CAMTA1: variants seen among roughly 807,000 people sequenced by gnomAD.
CAMTA1 encodes calmodulin-binding transcription activator 1.
CAMTA1 carries 27 observed loss-of-function variants against 170.9 expected under a neutral mutation model. The observed-to-expected ratio is 0.16, with a 90% CI of 0.12 to 0.22. The LOEUF (loss-of-function observed/expected upper bound fraction) is 0.22, where lower values mean the gene tolerates loss of function less well. Among genes scored for constraint, CAMTA1 ranks in the 10% least tolerant of loss-of-function variants. The pLI is 1.00. For missense variants in CAMTA1, 1,619 were observed against 2,217.2 expected, an observed-to-expected ratio of 0.73 and a Z score of 5.42; for synonymous variants, 833 against 891.5, an observed-to-expected ratio of 0.93 and a Z score of 1.17.
In CAMTA1 at chr1:7,664,917, C is replaced by G. The variant is rs561365245; in HGVS notation, c.2370C>G (p.Ile790Met). 6 of 1,613,210 alleles carry G rather than the reference C, an allele frequency of 3.7e-6. 1 individual carries two copies. The Middle Eastern group carries it at 4.9e-4, about 133-fold the overall frequency. The change falls in exon 9 of 23, where the codon ATC (isoleucine) becomes ATG (methionine). Residue 790 changes from isoleucine (I) to methionine (M), a missense_variant. Physicochemically the swap from Ile to Met is conservative, Grantham distance 10. Around this residue, in one of 8 missense-constraint regions of CAMTA1, gnomAD observed 731 missense variants for 907.6 expected, o/e 0.81. Transcript: ENST00000303635. ...CCGTGGAGGGGGGCAGCAGCACCAT[C>G]TATGGGCACCAGCTGGTGTCGGGGG... is the stretch of plus-strand genomic sequence containing the variant. ...FISVEGGSST[I>M]YGHQLVSGDS... is the part of the protein sequence containing the mutation.
intron 5 of CAMTA1, among the ~76,000 whole-genome samples, chr1:7,462,549 C>T (rs2093115236): frequency 6.6e-6 from 1 of 152,210 alleles, no homozygotes. Context: ...ACCACCACAC[C>T]CGGCCTAACT....
At chr1:7,544,202 C>A (rs181551587) in intron 6 of CAMTA1, among the ~76,000 whole-genome samples, 1 of 152,112 alleles carries the variant, frequency 6.6e-6, no homozygotes, top group African/African-American at 2.4e-5. Flanking sequence ...TCTTACATGG[C>A]GGTGGCAAGA....
At chr1:7,431,504 A>G (rs924856603) in intron 5 of CAMTA1, among the ~76,000 whole-genome samples, 1 of 152,144 alleles carries the variant, frequency 6.6e-6, no homozygotes, top group African/African-American at 2.4e-5. Context: ...CGCTGGGAAG[A>G]GCGTCCTGCC....
At chr1:7,406,061 G>T (rs928354024) in intron 5 of CAMTA1, among the ~76,000 whole-genome samples, 3 of 152,238 alleles carry the variant, frequency 2.0e-5, no homozygotes, top group African/African-American at 7.2e-5. Flanking sequence ...AGGAACAGGG[G>T]TCCCCACAAT....
intron 5 of CAMTA1, among the ~76,000 whole-genome samples, chr1:7,351,441 CAG>C (rs780109675): frequency 3.9e-5 from 6 of 152,362 alleles, no homozygotes; most frequent in Non-Finnish European, 5.9e-5. Context: ...TCCCACGACT[CAG>C]TGGTCACTGG....
At chr1:7,583,044 G>A (rs954462872) in intron 6 of CAMTA1, among the ~76,000 whole-genome samples, 1 of 152,016 alleles carries the variant, frequency 6.6e-6, no homozygotes, top group Non-Finnish European at 1.5e-5. Context: ...ACCTTCCAGT[G>A]GCCATCAGCT....
Position 7,665,266 on chromosome 1 carries a change from C to A in CAMTA1, c.2652+67C>A. ...ACCCACCTCGCCAGCCCCTGCGCCA[C>A]CCTGCAGCTAAGGGATGCCTGTGGC... is the stretch of plus-strand genomic sequence containing the variant. On this transcript the variant is annotated intron_variant, in intron 9 of 22. Coordinates refer to ENST00000303635, the MANE Select transcript of CAMTA1 (RefSeq NM_015215.4). This position sits in a 1 kb window ranked among gnomAD's most constrained non-coding sequence, Gnocchi z 4.3. The A allele has an allele frequency of 7.5e-7, 1 of 1,328,486 alleles. No homozygotes were observed. The highest frequency in any genetic ancestry group is 9.8e-7 in the Non-Finnish European group (1 of 1,016,720). 82.3% of individuals were successfully genotyped at this position (1,328,486 alleles called of 1,614,324 possible).
intron 3 of CAMTA1, among the ~76,000 whole-genome samples, chr1:7,083,285 T>C (rs1299425677): frequency 6.6e-6 from 1 of 152,262 alleles, no homozygotes; most frequent in African/African-American, 2.4e-5. Context: ...CCTTACAGTC[T>C]TAACCACTGC....
chr1:7,582,882 C>A (rs1414179561), intron 6 of CAMTA1, among the ~76,000 whole-genome samples: 1 of 151,976 alleles, frequency 6.6e-6, no homozygotes, highest in Non-Finnish European at 1.5e-5. Context: ...ATAGCAGCCT[C>A]TCGGTGGGTT....
At chr1:7,493,488 C>T (rs1418155828) in intron 6 of CAMTA1, among the ~76,000 whole-genome samples, 1 of 152,116 alleles carries the variant, frequency 6.6e-6, no homozygotes, top group Non-Finnish European at 1.5e-5. Flanking sequence ...CAGGCGTGCA[C>T]ACACATAACC....
chr1:7,735,330 C>T (rs746465624), intron 12 of CAMTA1, among the ~76,000 whole-genome samples: 2 of 151,380 alleles, frequency 1.3e-5, no homozygotes, highest in East Asian at 1.9e-4. Context: ...ACCCTATCTC[C>T]GCTAAAAATA....
At chr1:7,276,303 A>ATATATTTTTTTTTTT in intron 5 of CAMTA1, among the ~76,000 whole-genome samples, 3 of 24,230 alleles carry the variant, frequency 1.2e-4, no homozygotes, top group East Asian at 1.5e-3. Flanking sequence ...ATATATATAT[A>ATATATTTTTTTTTTT]TTTTTTTTTT....
At chr1:6,862,916 AAG>A (rs1407469658) in intron 3 of CAMTA1, among the ~76,000 whole-genome samples, 1 of 152,254 alleles carries the variant, frequency 6.6e-6, no homozygotes, top group African/African-American at 2.4e-5. Flanking sequence ...TTACCCAAAA[AAG>A]ATAACTATTT....
chr1:7,760,958 A>G (rs1278647153), intron 22 of CAMTA1, among the ~76,000 whole-genome samples: 3 of 152,204 alleles, frequency 2.0e-5, no homozygotes, highest in African/African-American at 7.2e-5. Context: ...GTTTGCTACA[A>G]GTTTCTGAAG....
chr1:7,006,084 A>G (rs6577397), intron 3 of CAMTA1, among the ~76,000 whole-genome samples: 50,449 of 152,020 alleles, frequency 0.33, 8,426 homozygotes, highest in Admixed American at 0.35. Flanking sequence ...TGCCAGTCAC[A>G]GTGTCTCTGG....
At chr1:6,881,921 C>A (rs955911430) in intron 3 of CAMTA1, among the ~76,000 whole-genome samples, 1 of 151,958 alleles carries the variant, frequency 6.6e-6, no homozygotes, top group Non-Finnish European at 1.5e-5. Context: ...GAGTGGAGAT[C>A]GCACCACTGC....
intron 3 of CAMTA1, among the ~76,000 whole-genome samples, chr1:7,090,419 C>A (rs1277275020): frequency 6.6e-6 from 1 of 152,182 alleles, no homozygotes; most frequent in Non-Finnish European, 1.5e-5. Flanking sequence ...AGGGCAGGAG[C>A]TGCGTGTTGT....
chr1:7,704,478 G>A (rs1241742253), intron 11 of CAMTA1, among the ~76,000 whole-genome samples: 1 of 146,192 alleles, frequency 6.8e-6, no homozygotes, highest in African/African-American at 2.5e-5. Context: ...GCTCTCGCGC[G>A]GGGACGCCCG....
chr1:7,663,150 C>T (rs1321339397), intron 8 of CAMTA1, among the ~76,000 whole-genome samples: 1 of 152,204 alleles, frequency 6.6e-6, no homozygotes, highest in Non-Finnish European at 1.5e-5. Flanking sequence ...GGGCGTGGGA[C>T]GGCCCCCGGG....
Sources: allele counts gnomAD v4.1 joint callset (sites outside exome capture counted in the v4.1 genomes callset), GRCh38; gene constraint gnomAD v4.1.1; regional missense constraint gnomAD v4.1.1; non-coding constraint Gnocchi (gnomAD v3.1); transcripts MANE v1.5; gene names NCBI Gene and HGNC (gene_info 2026-07-23, HGNC 2026-07-21).